The following STIM1 variants were observed in gnomAD, a reference collection of about 807,000 sequenced individuals.
STIM1 encodes the protein stromal interaction molecule 1.
STIM1 carries 25 observed loss-of-function variants against 74.7 expected under a neutral mutation model. That is an observed-to-expected ratio of 0.33 (90% CI 0.24 to 0.47). The LOEUF (loss-of-function observed/expected upper bound fraction) is 0.47. Among genes scored for constraint, STIM1 ranks in the 20% least tolerant of loss-of-function variants. The probability of loss-of-function intolerance (pLI) is 1.00; values close to 1 mark genes in which losing one functional copy is unlikely to be tolerated. For missense variants in STIM1, 728 were observed against 920.8 expected (o/e 0.79, Z 2.71); for synonymous variants, 328 against 348.8 (o/e 0.94, Z 0.66).
At chr11:4,001,429 A>T (rs902442094) in intron 2 of STIM1, among the ~76,000 whole-genome samples, 1 of 152,218 alleles carries the variant, frequency 6.6e-6, no homozygotes, top group Non-Finnish European at 1.5e-5. Flanking sequence ...GGGGACCAAT[A>T]TTCAACATTC....
At chr11:3,989,455 T>G (rs538778471) in intron 2 of STIM1, 30 of 696,478 alleles carry the variant, frequency 4.3e-5, no homozygotes, top group Non-Finnish European at 8.1e-5. Flanking sequence ...GACCTTGCTC[T>G]TAGGCATCCT....
chr11:4,083,569 T>C, intron 10 of STIM1, 71 bp downstream of exon 10: 3 of 1,462,650 alleles, frequency 2.1e-6, no homozygotes, highest in Non-Finnish European at 1.9e-6. Flanking sequence ...GTGGCCTCTG[T>C]TGTGCTTAAA....
At chr11:3,922,693 C>T in intron 1 of STIM1, 1 of 198,766 alleles carries the variant, frequency 5.0e-6, no homozygotes, top group South Asian at 1.1e-4. Context: ...GGAAGACACT[C>T]TGTGACAGCG....
intron 1 of STIM1, among the ~76,000 whole-genome samples, chr11:3,887,583 T>C (rs2091755577): frequency 6.6e-6 from 1 of 152,156 alleles, no homozygotes; most frequent in Non-Finnish European, 1.5e-5. Context: ...GTTAAGGTTA[T>C]TGCCAGAAGA....
chr11:4,060,472 T>A (rs570590004), intron 5 of STIM1, among the ~76,000 whole-genome samples: 1 of 152,234 alleles, frequency 6.6e-6, no homozygotes, highest in East Asian at 1.9e-4. Context: ...ATCCATACTT[T>A]TTGAAAGTAT....
chr11:3,890,011 C>T (rs2091847670), intron 1 of STIM1, among the ~76,000 whole-genome samples: 1 of 152,166 alleles, frequency 6.6e-6, no homozygotes, highest in Non-Finnish European at 1.5e-5. Flanking sequence ...TCCTTCTTTC[C>T]ATACCTGTAG....
At chr11:3,908,814 G>A (rs2092512532) in intron 1 of STIM1, among the ~76,000 whole-genome samples, 1 of 152,098 alleles carries the variant, frequency 6.6e-6, no homozygotes, top group Non-Finnish European at 1.5e-5. Context: ...TGAATTTCCT[G>A]AACTGGACAT....
intron 6 of STIM1, among the ~76,000 whole-genome samples, chr11:4,073,740 A>G (rs2094420331): frequency 6.6e-6 from 1 of 152,182 alleles, no homozygotes; most frequent in African/African-American, 2.4e-5. Context: ...GCAAGGGTAG[A>G]CTTACATTAT....
rs550127148 is a variant in STIM1, at chr11:4,083,154, G to T, written c.1239-109G>T. The T allele has an allele frequency of 1.8e-4, 228 of 1,296,854 alleles. 4 individuals are homozygous for T. The Middle Eastern group carries it at 1.8e-3, about 10-fold the overall frequency. The allele number at this position is 1,296,854 out of a possible 1,614,324, so 80.3% of individuals were successfully genotyped here. A position where few individuals can be genotyped will look rare whatever the true frequency, so the allele number is the denominator to read the frequency against. On this transcript the variant is annotated intron_variant, in intron 9 of 12. Coordinates refer to ENST00000526596, the MANE Select transcript of STIM1 (RefSeq NM_001382567.1). ...TTGCTCTTAAGTTTGAGTTTATTGTGTGTTTTATTCACACATATTCTCAAA... is the reference window on the plus strand; with the variant it reads ...TTGCTCTTAAGTTTGAGTTTATTGTTTGTTTTATTCACACATATTCTCAAA...
chr11:3,919,909 C>G (rs546829662), intron 1 of STIM1, among the ~76,000 whole-genome samples: 1 of 152,202 alleles, frequency 6.6e-6, no homozygotes, highest in South Asian at 2.1e-4. Flanking sequence ...AAGAATCAGT[C>G]TGCACAAAAA....
chr11:3,933,368 G>A (rs1386763297), intron 1 of STIM1, among the ~76,000 whole-genome samples: 1 of 152,206 alleles, frequency 6.6e-6, no homozygotes, highest in African/African-American at 2.4e-5. Context: ...AATACTCCCT[G>A]TAATGCTCTA....
chr11:3,882,461 C>T (rs2091553253), intron 1 of STIM1, among the ~76,000 whole-genome samples: 1 of 152,152 alleles, frequency 6.6e-6, no homozygotes, highest in Admixed American at 6.6e-5. Context: ...ATTTGTTTAT[C>T]TATTCATCCA....
At chr11:4,008,274 G>C (rs915908721) in intron 2 of STIM1, among the ~76,000 whole-genome samples, 8 of 152,064 alleles carry the variant, frequency 5.3e-5, no homozygotes, top group African/African-American at 1.9e-4. Flanking sequence ...TATAACCTAG[G>C]TGTGTAGTAG....
At chr11:3,911,484 A>G (rs913780784) in intron 1 of STIM1, among the ~76,000 whole-genome samples, 5 of 152,140 alleles carry the variant, frequency 3.3e-5, no homozygotes, top group African/African-American at 1.2e-4. Flanking sequence ...TCCTGAGCTC[A>G]AGTGATCCTC....
chr11:4,089,626 G>A (rs1418261212), intron 12 of STIM1, among the ~76,000 whole-genome samples: 1 of 152,216 alleles, frequency 6.6e-6, no homozygotes, highest in Non-Finnish European at 1.5e-5. Context: ...GTTCTCTGCT[G>A]CCTGCTGAGT....
intron 2 of STIM1, among the ~76,000 whole-genome samples, chr11:4,001,732 A>G (rs2093719632): frequency 1.3e-5 from 2 of 151,248 alleles, no homozygotes; most frequent in South Asian, 2.1e-4. Context: ...ATTCACACAT[A>G]ACAATATTAA....
chr11:3,918,578 T>C (rs2092680386), intron 1 of STIM1, among the ~76,000 whole-genome samples: 1 of 151,316 alleles, frequency 6.6e-6, no homozygotes, highest in African/African-American at 2.4e-5. Context: ...AGATACAACA[T>C]AATACCTCTC....
At chr11:3,958,628 C>A (rs1166817982) in intron 1 of STIM1, among the ~76,000 whole-genome samples, 1 of 152,034 alleles carries the variant, frequency 6.6e-6, no homozygotes, top group Non-Finnish European at 1.5e-5. Context: ...TCACTGGGGA[C>A]CTTTCTTGGA....
At chr11:4,014,661 C>T (rs565446506) in intron 2 of STIM1, among the ~76,000 whole-genome samples, 1 of 152,228 alleles carries the variant, frequency 6.6e-6, no homozygotes, top group African/African-American at 2.4e-5. Context: ...GTTAAAGTCT[C>T]CCATTATTAT....
Sources: allele counts gnomAD v4.1 joint callset (sites outside exome capture counted in the v4.1 genomes callset), GRCh38; gene constraint gnomAD v4.1.1; transcripts MANE v1.5; gene names NCBI Gene and HGNC (gene_info 2026-07-23, HGNC 2026-07-21).